Variants in FAAH2 observed in about 807,000 individuals in gnomAD.
FAAH2 encodes fatty acid amide hydrolase 2, also known as fatty-acid amide hydrolase 2.
FAAH2 carries 60 observed loss-of-function variants against 36.9 expected under a neutral mutation model. The ratio of observed to expected loss-of-function variants is 1.63; its 90% CI spans 1.32 to 2.02. FAAH2 has a LOEUF of 2.02. FAAH2 is among the 30% of genes most tolerant of loss of function. The pLI is 0.00. For synonymous variants in FAAH2, 214 were observed against 143.8 expected (o/e 1.49, Z -3.49); for missense variants, 689 against 397.5 (o/e 1.73, Z -6.23).
the FAAH2 span, among the ~76,000 whole-genome samples, chrX:57,181,939 C>G: frequency 1.8e-5 from 2 of 111,462 alleles, no homozygotes; most frequent in African/African-American, 3.3e-5. Context: ...CTTTAACCAT[C>G]TCATCTTTGG....
chrX:57,212,862 C>A, the FAAH2 span, among the ~76,000 whole-genome samples: 2 of 111,836 alleles, frequency 1.8e-5, no homozygotes, highest in African/African-American at 6.5e-5. Flanking sequence ...AGTATTTTCA[C>A]CTTTCTAATC....
chrX:57,189,083 C>CCTTTTAACT, the FAAH2 span, among the ~76,000 whole-genome samples: 1 of 110,567 alleles, frequency 9.0e-6, no homozygotes, highest in African/African-American at 3.3e-5. Context: ...TTGGTTCTTT[C>CCTTTTAACT]CTTTTAACTC....
At chrX:57,332,937 C>T (rs2053447246) in intron 4 of FAAH2, among the ~76,000 whole-genome samples, 1 of 111,095 alleles carries the variant, frequency 9.0e-6, no homozygotes, top group East Asian at 2.8e-4. Flanking sequence ...AACTCCAGTC[C>T]TCTCTAGGTT....
chrX:57,234,173 C>T, the FAAH2 span, among the ~76,000 whole-genome samples: 1 of 111,747 alleles, frequency 8.9e-6, no homozygotes, highest in Admixed American at 9.5e-5. Flanking sequence ...AAATGATGTG[C>T]TAAGTTTGGC....
intron 3 of FAAH2, among the ~76,000 whole-genome samples, chrX:57,313,158 C>A (rs1186073267): frequency 8.0e-5 from 1 of 12,536 alleles, no homozygotes; most frequent in Non-Finnish European, 4.7e-3. Flanking sequence ...GCTTGAATAC[C>A]GTTTTTTTCA....
At chrX:57,332,230 C>A (rs982881599) in intron 4 of FAAH2, among the ~76,000 whole-genome samples, 2 of 112,180 alleles carry the variant, frequency 1.8e-5, no homozygotes, top group Non-Finnish European at 3.8e-5. Flanking sequence ...TAATATATGA[C>A]CTTGGTCACA....
the FAAH2 span, among the ~76,000 whole-genome samples, chrX:57,133,212 T>C: frequency 8.9e-6 from 1 of 112,496 alleles, no homozygotes; most frequent in Admixed American, 9.4e-5. Flanking sequence ...TTATTTTGGC[T>C]ACTGTCTGTC....
intron 4 of FAAH2, among the ~76,000 whole-genome samples, chrX:57,337,894 G>A (rs765587810): frequency 2.7e-5 from 3 of 111,897 alleles, no homozygotes; most frequent in Non-Finnish European, 5.6e-5. Context: ...AGTATTGGAT[G>A]TTCTGGCCAG....
the FAAH2 span, among the ~76,000 whole-genome samples, chrX:57,186,246 T>C: frequency 8.9e-6 from 1 of 112,086 alleles, no homozygotes; most frequent in East Asian, 2.8e-4. Context: ...TTTCAGACTT[T>C]TTAATGATTG....
chrX:57,322,222 C>G (rs1374936013), intron 3 of FAAH2, among the ~76,000 whole-genome samples: 1 of 111,368 alleles, frequency 9.0e-6, no homozygotes, highest in Admixed American at 9.6e-5. Flanking sequence ...GATCTTCTGA[C>G]CTCGTGATCC....
intron 10 of FAAH2, among the ~76,000 whole-genome samples, chrX:57,487,330 A>G (rs2057492718): frequency 9.0e-6 from 1 of 111,290 alleles, no homozygotes; most frequent in South Asian, 3.7e-4. Flanking sequence ...ATATAACAAT[A>G]AAGTAAAAAG....
the FAAH2 span, among the ~76,000 whole-genome samples, chrX:57,209,854 G>A: frequency 9.0e-6 from 1 of 111,022 alleles, no homozygotes; most frequent in African/African-American, 3.3e-5. Context: ...GGGAACTCAG[G>A]TTTGAACTGC....
the FAAH2 span, among the ~76,000 whole-genome samples, chrX:57,247,121 T>C: frequency 1.8e-5 from 2 of 111,642 alleles, no homozygotes; most frequent in African/African-American, 6.5e-5. Context: ...ATGCTTGACA[T>C]ATAGTTTGTA....
chrX:57,161,477 A>G, the FAAH2 span, among the ~76,000 whole-genome samples: 1 of 110,933 alleles, frequency 9.0e-6, no homozygotes, highest in Non-Finnish European at 1.9e-5. Context: ...GTCTCCCATT[A>G]TTATTGTGTG....
At chrX:57,142,324 G>C in the FAAH2 span, among the ~76,000 whole-genome samples, 3 of 111,750 alleles carry the variant, frequency 2.7e-5, no homozygotes, top group South Asian at 3.7e-4. Context: ...TTTGTTTCAA[G>C]AAACTTTAAA....
At chrX:57,149,072 C>A in the FAAH2 span, among the ~76,000 whole-genome samples, 4 of 111,400 alleles carry the variant, frequency 3.6e-5, no homozygotes, top group Non-Finnish European at 5.7e-5. Context: ...TATTAATTTG[C>A]GTATGTTGAC....
At chrX:57,161,628 C>G in the FAAH2 span, among the ~76,000 whole-genome samples, 186 of 111,466 alleles carry the variant, frequency 1.7e-3, 1 homozygote, top group African/African-American at 5.8e-3. Flanking sequence ...CCTTCTTTGT[C>G]TCCTTTGATC....
chrX:57,425,885 C>T (rs1457946087), intron 7 of FAAH2, among the ~76,000 whole-genome samples: 1 of 111,834 alleles, frequency 8.9e-6, no homozygotes, highest in Non-Finnish European at 1.9e-5. Flanking sequence ...AAATACTCCA[C>T]TTAAAAGACA....
At chrX:57,448,083 G>A (rs1303065556) in intron 9 of FAAH2, among the ~76,000 whole-genome samples, 1 of 111,258 alleles carries the variant, frequency 9.0e-6, no homozygotes, top group East Asian at 2.8e-4. Flanking sequence ...TTGACCTCCT[G>A]GGCTAAAGCA....
Sources: allele counts gnomAD v4.1 joint callset (sites outside exome capture counted in the v4.1 genomes callset), GRCh38; gene constraint gnomAD v4.1.1; transcripts MANE v1.5; gene names NCBI Gene and HGNC (gene_info 2026-07-23, HGNC 2026-07-21).